MAD1L1: variants seen among roughly 807,000 people sequenced by gnomAD.
The protein encoded by MAD1L1 is mitotic spindle assembly checkpoint protein MAD1.
In MAD1L1, 95 loss-of-function variants were observed where a neutral mutation model predicts 96.9. That is an observed-to-expected ratio of 0.98 (90% CI 0.83 to 1.16). The LOEUF is 1.16. Among genes scored for constraint, MAD1L1 ranks in the 50% most tolerant of loss-of-function variants. MAD1L1 has a pLI of 0.00. For missense variants in MAD1L1, 1,007 were observed against 954.4 expected, an observed-to-expected ratio of 1.06 and a Z score of -0.73; for synonymous variants, 473 against 396.6, an observed-to-expected ratio of 1.19 and a Z score of -2.29.
chr7:2,067,742 C>T (rs993261708), intron 12 of MAD1L1, among the ~76,000 whole-genome samples: 9 of 152,258 alleles, frequency 5.9e-5, no homozygotes, highest in Admixed American at 2.0e-4. Context: ...TCTCTCCCTC[C>T]GCCGTGGTTC....
intron 18 of MAD1L1, among the ~76,000 whole-genome samples, chr7:1,867,841 C>T (rs1784852421): frequency 6.6e-6 from 1 of 152,212 alleles, no homozygotes; most frequent in Non-Finnish European, 1.5e-5. Flanking sequence ...TGAAGTTGTT[C>T]CAACGACTTA....
In MAD1L1 at chr7:1,886,965, G is replaced by A. The variant is rs373647853; in HGVS notation, c.1998+11235C>T. Among the ~76,000 whole-genome samples the A allele has an allele frequency of 3.5e-4, 54 of 152,400 alleles. 1 individual carries two copies. The South Asian group carries it at 0.011, about 31-fold the overall frequency. Reference sequence around the variant, plus strand: ...GTCCTGCCCCGCAGGTTCCTGGTGAGAAGGCTTCAGGGCTGTCAGTGACCG... The same window carrying A: ...GTCCTGCCCCGCAGGTTCCTGGTGAAAAGGCTTCAGGGCTGTCAGTGACCG... On this transcript the variant is annotated intron_variant, in intron 18 of 18. Transcript: ENST00000265854.
intron 18 of MAD1L1, among the ~76,000 whole-genome samples, chr7:1,825,386 T>C (rs956599397): frequency 3.9e-5 from 6 of 152,240 alleles, no homozygotes; most frequent in Admixed American, 6.5e-5. Flanking sequence ...GGCTGGCATC[T>C]TGGCTGGTGG....
intron 18 of MAD1L1, among the ~76,000 whole-genome samples, chr7:1,822,168 A>C (rs1782159791): frequency 7.0e-6 from 1 of 142,916 alleles, no homozygotes; most frequent in Non-Finnish European, 1.6e-5. Context: ...CATTTCTATA[A>C]AGCAATTGCA....
intron 18 of MAD1L1, chr7:1,897,988 G>A: frequency 1.7e-6 from 1 of 603,316 alleles, no homozygotes; most frequent in Non-Finnish European, 3.0e-6. Context: ...CACCCAGGAG[G>A]TCCAGGGCTG....
At position 1,902,949 on chromosome 7, in the gene MAD1L1, A is replaced by G. The variant is rs143931461; in HGVS notation, c.1808-4559T>C. Among the ~76,000 whole-genome samples, 334 of 148,552 alleles carry G rather than the reference A, an allele frequency of 2.2e-3. 5 individuals carry two copies. Among genetic ancestry groups the G allele is most frequent in the African/African-American group, 8.1e-3 (321 of 39,710 alleles). On this transcript the variant is annotated intron_variant, in intron 17 of 18. Coordinates refer to ENST00000265854, the MANE Select transcript of MAD1L1 (RefSeq NM_001013836.2). ...TTGTGGAACTCATGATTGATGAAGC[A>G]CTGTTCCAGGCAAGCGAGGACCCAG...
At chr7:1,817,585 G>A (rs905199008) in intron 18 of MAD1L1, 3 of 152,232 alleles carry the variant, frequency 2.0e-5, no homozygotes, top group African/African-American at 7.2e-5. Context: ...GTCCTGGAGG[G>A]GCACGTCAGG....
chr7:2,095,026 AATAT>A (rs57612463), intron 11 of MAD1L1, among the ~76,000 whole-genome samples: 1 of 150,570 alleles, frequency 6.6e-6, no homozygotes, highest in Admixed American at 6.6e-5. Context: ...TTAAATAGTA[AATAT>A]ATATATATAT....
intron 12 of MAD1L1, among the ~76,000 whole-genome samples, chr7:2,047,740 C>G (rs1783988381): frequency 1.3e-5 from 2 of 152,120 alleles, no homozygotes; most frequent in South Asian, 4.1e-4. Flanking sequence ...TCACACAGCA[C>G]AGACATGCAC....
At chr7:1,888,969 C>T (rs1427454412) in intron 18 of MAD1L1, among the ~76,000 whole-genome samples, 1 of 152,264 alleles carries the variant, frequency 6.6e-6, no homozygotes, top group African/African-American at 2.4e-5. Flanking sequence ...GATGCACTCA[C>T]TGACCTGCAG....
intron 15 of MAD1L1, among the ~76,000 whole-genome samples, chr7:1,967,905 G>A (rs1194721012): frequency 2.0e-5 from 3 of 148,350 alleles, no homozygotes; most frequent in African/African-American, 5.3e-5. Context: ...CAGAGCACGC[G>A]GGAAACTCCC....
At chr7:2,059,561 G>A (rs4719413) in intron 12 of MAD1L1, among the ~76,000 whole-genome samples, 1 of 149,720 alleles carries the variant, frequency 6.7e-6, no homozygotes, top group East Asian at 2.0e-4. Flanking sequence ...GGCTGGCGGG[G>A]AAGCATGGCC....
At chr7:2,214,955 G>A (rs947341659) in intron 9 of MAD1L1, among the ~76,000 whole-genome samples, 1 of 152,130 alleles carries the variant, frequency 6.6e-6, no homozygotes, top group East Asian at 1.9e-4. Flanking sequence ...AAATTGGTGC[G>A]GCACAGAGGC....
rs144560181 is a variant in MAD1L1 at position 1,867,613 on chromosome 7, G to A, written c.1998+30587C>T. Reference sequence around the variant, plus strand: ...CAGCAGCACTCTGCCAGATTCTACCGGTGGCTCGGGCCCAATTTCCATTCC... The same window carrying A: ...CAGCAGCACTCTGCCAGATTCTACCAGTGGCTCGGGCCCAATTTCCATTCC... On this transcript the variant is annotated intron_variant, in intron 18 of 18. Coordinates refer to ENST00000265854, the MANE Select transcript of MAD1L1 (RefSeq NM_001013836.2). 6.3e-3 allele frequency among the ~76,000 whole-genome samples: 953 copies of A among 152,348 alleles called. 11 individuals are homozygous for A. The highest frequency in any genetic ancestry group is 0.022 in the African/African-American group (901 of 41,578).
chr7:2,067,600 A>G (rs7790420), intron 12 of MAD1L1, among the ~76,000 whole-genome samples: 40 of 132,936 alleles, frequency 3.0e-4, no homozygotes, highest in African/African-American at 1.5e-3. Context: ...TGGTCAGCCC[A>G]AACCCCCGCA....
At chr7:2,151,166 T>C (rs186671797) in intron 10 of MAD1L1, among the ~76,000 whole-genome samples, 48 of 152,358 alleles carry the variant, frequency 3.2e-4, no homozygotes, top group Middle Eastern at 3.4e-3. Context: ...TTCTGAAACA[T>C]TTGAATGAGA....
intron 11 of MAD1L1, among the ~76,000 whole-genome samples, chr7:2,105,740 G>A (rs1047682342): frequency 6.6e-6 from 1 of 152,024 alleles, no homozygotes; most frequent in Non-Finnish European, 1.5e-5. Flanking sequence ...CCACCTTCCA[G>A]ATGAGACCAG....
At chr7:1,915,532 G>A (rs534599750) in intron 17 of MAD1L1, among the ~76,000 whole-genome samples, 27 of 152,340 alleles carry the variant, frequency 1.8e-4, no homozygotes, top group African/African-American at 6.3e-4. Context: ...GGTGTTCCAC[G>A]GCGGGCTGGA....
chr7:1,995,788 C>G (rs1432213284), intron 14 of MAD1L1, among the ~76,000 whole-genome samples: 1 of 151,534 alleles, frequency 6.6e-6, no homozygotes, highest in African/African-American at 2.4e-5. Flanking sequence ...ATACAGAACC[C>G]CGGTGCCACC....
Sources: allele counts gnomAD v4.1 joint callset (sites outside exome capture counted in the v4.1 genomes callset), GRCh38; gene constraint gnomAD v4.1.1; transcripts MANE v1.5; gene names NCBI Gene and HGNC (gene_info 2026-07-23, HGNC 2026-07-21).